IFT122: variants seen among roughly 807,000 people sequenced by gnomAD.
IFT122 encodes the protein intraflagellar transport 122, also known as intraflagellar transport protein 122 homolog.
IFT122 carries 118 observed loss-of-function variants against 161.6 expected under a neutral mutation model. The ratio of observed to expected loss-of-function variants is 0.73; its 90% CI spans 0.63 to 0.85. The LOEUF (loss-of-function observed/expected upper bound fraction) is 0.85. Among genes scored for constraint, IFT122 ranks in the 40% least tolerant of loss-of-function variants. The pLI, the probability that IFT122 is intolerant of heterozygous loss-of-function variation, is 0.00. For missense variants in IFT122, 1,381 were observed against 1,579.6 expected (o/e 0.87, Z 2.13); for synonymous variants, 550 against 602.4 (o/e 0.91, Z 1.27).
In IFT122 at chr3:129,471,578, C is replaced by T. The variant is rs118103988; in HGVS notation, c.816+2161C>T. On this transcript the variant is annotated intron_variant, in intron 9 of 29. Transcript: ENST00000348417. Reference sequence around the variant, plus strand: ...AAGAGCTCAACATGGCCGAGGGCCACAGGAAATATCTTGCATGTATGCAGC... The same window carrying T: ...AAGAGCTCAACATGGCCGAGGGCCATAGGAAATATCTTGCATGTATGCAGC... 9.2e-5 allele frequency among the ~76,000 whole-genome samples: 14 copies of T among 152,336 alleles called. No individual in the cohort carries two copies. The East Asian group carries it at 2.7e-3, about 29-fold the overall frequency.
At chr3:129,486,312 G>A (rs1008677095) in intron 15 of IFT122, among the ~76,000 whole-genome samples, 2 of 152,196 alleles carry the variant, frequency 1.3e-5, no homozygotes, top group African/African-American at 4.8e-5. Context: ...TCAAGCAGCT[G>A]TAACTAGAGC....
intron 26 of IFT122, among the ~76,000 whole-genome samples, chr3:129,516,898 GAC>G (rs1444282757): frequency 2.0e-5 from 1 of 50,448 alleles, no homozygotes; most frequent in Non-Finnish European, 3.7e-5. Flanking sequence ...CCTGCACACA[GAC>G]ACACAGAGAC....
chr3:129,506,478 C>T lies in IFT122; in HGVS notation c.2720C>T (p.Ala907Val), dbSNP rs377690924. 4.1e-5 allele frequency: 66 copies of T among 1,614,066 alleles called. No individual in the cohort carries two copies. The highest frequency in any genetic ancestry group is 8.8e-5 in the South Asian group (8 of 91,086). Residue 907 changes from alanine to valine, a missense_variant, in exon 22 of 30, where the codon GCG becomes GTG. Ala to Val is a moderately conservative substitution (Grantham distance 64). Transcript: ENST00000348417. ...GAGCAGCTCACAAACAATGCCGTGG[C>T]GGAGAGCAGGTTTAATGATGCTGCC... ...VLEQLTNNAVAESRFNDAAYY... is the reference protein window; with the variant it reads ...VLEQLTNNAVVESRFNDAAYY...
chr3:129,514,414 C>T lies in IFT122; in HGVS notation c.3013C>T (p.Gln1005Ter), dbSNP rs746129224. Residue 1005 changes from glutamine to a stop codon, truncating the protein, a stop_gained, in exon 25 of 30, where the codon CAG becomes TAG. Transcript: ENST00000348417. LOFTEE classifies it high-confidence loss of function. Reference protein sequence around the residue: ...KVKILFTLAKQSKALGAYRLA... With the variant: ...KVKILFTLAK ...GAAAATACTCTTCACCTTGGCCAAG[C>T]AGAGCAAGGCCCTCGGTGCCTACAG... 3.7e-6 allele frequency: 6 copies of T among 1,614,174 alleles called. No homozygotes were observed. The highest frequency in any genetic ancestry group is 4.2e-6 in the Non-Finnish European group (5 of 1,180,026).
chr3:129,517,519 G>T lies in IFT122; in HGVS notation c.3316G>T (p.Glu1106Ter), dbSNP rs755389166. ...FYLEEGITDE[E>*]AISLIDLEVL... ...CCTGGAGGAAGGGATCACTGATGAA[G>T]AAGCCATCTCCCTCATCGACCTGGA... The change falls in exon 27 of 30, where the codon GAA becomes TAA. Residue 1106 changes from glutamate (E) to a stop codon, truncating the protein, a stop_gained. Transcript: ENST00000348417. LOFTEE classifies it high-confidence loss of function. The T allele has an allele frequency of 6.2e-7, 1 of 1,614,046 alleles. No individual in the cohort carries two copies. Among genetic ancestry groups the T allele is most frequent in the East Asian group, 2.2e-5 (1 of 44,860 alleles).
At chr3:129,466,740 C>T (rs1186029661) in intron 7 of IFT122, 150 bp from the exon 8 acceptor site, 19 of 726,566 alleles carry the variant, frequency 2.6e-5, no homozygotes, top group Non-Finnish European at 4.2e-5. Flanking sequence ...TGATCTCGAG[C>T]GATTCACTTG....
chr3:129,500,327 C>T (rs1271370182), intron 19 of IFT122, among the ~76,000 whole-genome samples: 2 of 152,228 alleles, frequency 1.3e-5, no homozygotes, highest in Non-Finnish European at 2.9e-5. Context: ...TGAGCGCTCA[C>T]TACAACCCAG....
At chr3:129,483,184 C>T (rs565327949) in intron 14 of IFT122, among the ~76,000 whole-genome samples, 3 of 152,136 alleles carry the variant, frequency 2.0e-5, no homozygotes, top group Non-Finnish European at 4.4e-5. Flanking sequence ...AAGATTTAGT[C>T]ATTATAAAAG....
intron 1 of IFT122, among the ~76,000 whole-genome samples, chr3:129,446,012 T>G (rs1274396130): frequency 2.6e-5 from 4 of 152,198 alleles, no homozygotes; most frequent in African/African-American, 9.7e-5. Context: ...CCTGAGAGAC[T>G]GTTTCAGGCC....
Position 129,447,059 on chromosome 3 carries a change from G to A in IFT122, c.42-2812G>A, listed in dbSNP as rs183197104. The stretch of plus-strand genomic sequence containing the variant: ...CATTTTTCTAGCCTCATTTCTCCAT[G>A]TTCTAGCAACATCTTGCACATAGCC... On this transcript the variant is annotated intron_variant, in intron 1 of 29. Coordinates refer to ENST00000348417, the MANE Select transcript of IFT122 (RefSeq NM_052989.3). Among the ~76,000 whole-genome samples the A allele has an allele frequency of 1.1e-3, 174 of 152,184 alleles. 1 individual carries two copies. The highest frequency in any genetic ancestry group is 3.1e-3 in the East Asian group (16 of 5,178).
chr3:129,486,901 C>T (rs948839650), intron 15 of IFT122, among the ~76,000 whole-genome samples: 1 of 152,188 alleles, frequency 6.6e-6, no homozygotes, highest in African/African-American at 2.4e-5. Flanking sequence ...GTAGCCTATG[C>T]CTGCTGCCCC....
chr3:129,447,965 T>TGG (rs141073434), intron 1 of IFT122, among the ~76,000 whole-genome samples: 4 of 152,102 alleles, frequency 2.6e-5, no homozygotes, highest in Admixed American at 2.0e-4. Flanking sequence ...TTCAGACGGT[T>TGG]GGGGGGGCTT....
At position 129,520,231 on chromosome 3, in the gene IFT122, A is replaced by T. The variant is rs1380724531; in HGVS notation, c.3692A>T (p.Tyr1231Phe). The T allele has an allele frequency of 2.5e-6, 4 of 1,611,458 alleles. No homozygotes were observed. Among genetic ancestry groups the T allele is most frequent in the Non-Finnish European group, 3.4e-6 (4 of 1,179,918 alleles). Residue 1231 changes from tyrosine (Y) to phenylalanine (F), a missense_variant, in exon 30 of 30, where the codon TAC (tyrosine) becomes TTC (phenylalanine). Around this residue, in one of 7 missense-constraint regions of IFT122, gnomAD observed 177 missense variants for 199.2 expected, o/e 0.89. Transcript: ENST00000348417. Reference sequence around the variant, plus strand: ...GTGCTTCAGCATGGCTGCTGCCCCTACTGCCGCAGGTGCAAGGATGACCCT... The same window carrying T: ...GTGCTTCAGCATGGCTGCTGCCCCTTCTGCCGCAGGTGCAAGGATGACCCT... Reference protein sequence around the residue: ...LLVLQHGCCPYCRRCKDDPGP With the variant: ...LLVLQHGCCPFCRRCKDDPGP
intron 4 of IFT122, among the ~76,000 whole-genome samples, chr3:129,459,744 TCTTC>T (rs68095952): frequency 0.25 from 24,144 of 98,308 alleles, 5,474 homozygotes; most frequent in East Asian, 0.63. Flanking sequence ...CTCCCTCCCT[TCTTC>T]CTTCCTTCCT....
At chr3:129,463,741 C>G in intron 6 of IFT122, 115 bp downstream of exon 6, 1 of 797,190 alleles carries the variant, frequency 1.3e-6, no homozygotes, top group Non-Finnish European at 2.1e-6. Flanking sequence ...GGTTTAGGCC[C>G]CTGTATTTCC....
chr3:129,463,255 C>T (rs749533612), intron 5 of IFT122: 5 of 368,344 alleles, frequency 1.4e-5, no homozygotes, highest in African/African-American at 4.2e-5. Flanking sequence ...TTGCCATCAG[C>T]GTGACACAGA....
chr3:129,512,077 G>A (rs954656058), intron 23 of IFT122, among the ~76,000 whole-genome samples: 22 of 152,170 alleles, frequency 1.4e-4, no homozygotes, highest in African/African-American at 5.3e-4. Flanking sequence ...CATCTATCTA[G>A]GTGTCGGTTT....
At chr3:129,516,381 AGAGACTGCTCCTG>A in intron 26 of IFT122, among the ~76,000 whole-genome samples, 1 of 137,710 alleles carries the variant, frequency 7.3e-6, no homozygotes, top group East Asian at 2.3e-4. Context: ...ACACACACAC[AGAGACTGCTCCTG>A]CACACACATA....
At chr3:129,513,080 G>C (rs1290860845) in intron 24 of IFT122, 1 of 156,286 alleles carries the variant, frequency 6.4e-6, no homozygotes, top group Admixed American at 6.4e-5. Flanking sequence ...GGGACCCTGG[G>C]TGGGAGGGGC....
Sources: gnomAD v4.1 joint callset for allele counts (sites outside exome capture counted in the v4.1 genomes callset) on GRCh38, gnomAD v4.1.1 for gene constraint, gnomAD v4.1.1 regional missense constraint, MANE v1.5 for transcripts, NCBI Gene and HGNC (gene_info 2026-07-23, HGNC 2026-07-21) for gene names.